The following NRXN3 variants were observed in gnomAD, a reference collection of about 807,000 sequenced individuals.
The protein encoded by NRXN3 is neurexin III.
In NRXN3, 32 loss-of-function variants were observed where a neutral mutation model predicts 137.6. The observed-to-expected ratio is 0.23, with a 90% CI of 0.18 to 0.31. NRXN3 has a LOEUF of 0.31. NRXN3 is among the 10% of genes least tolerant of loss of function. The pLI is 1.00. For missense variants in NRXN3, 1,574 were observed against 2,062.5 expected (o/e 0.76, Z 4.59); for synonymous variants, 798 against 784.5 (o/e 1.02, Z -0.29).
intron 15 of NRXN3, among the ~76,000 whole-genome samples, chr14:79,162,121 G>C (rs754114600): frequency 1.4e-5 from 2 of 141,112 alleles, no homozygotes; most frequent in African/African-American, 2.7e-5. Flanking sequence ...TTTTTTTTTT[G>C]TGGTTAGCTT....
Position 78,720,767 on chromosome 14 carries a change from G to T in NRXN3, c.2044+5628G>T, listed in dbSNP as rs1264708026. Among the ~76,000 whole-genome samples, 10 of 152,254 alleles carry T rather than the reference G, an allele frequency of 6.6e-5. No homozygotes were observed. The East Asian group carries it at 1.9e-3, about 29-fold the overall frequency. On this transcript the variant is annotated intron_variant, in intron 8 of 20. Coordinates refer to ENST00000335750, the MANE Select transcript of NRXN3 (RefSeq NM_001330195.2). Reference sequence around the variant, plus strand: ...TTTGTGTCTTCTTTAGAATATTAAAGTTAAATTATTAAAATTTCTATATTC... The same window carrying T: ...TTTGTGTCTTCTTTAGAATATTAAATTTAAATTATTAAAATTTCTATATTC...
chr14:78,729,910 A>T (rs1452903710), intron 8 of NRXN3, among the ~76,000 whole-genome samples: 2 of 152,218 alleles, frequency 1.3e-5, no homozygotes, highest in Non-Finnish European at 2.9e-5. Context: ...GAATGGGATT[A>T]TTTCTAAAGT....
chr14:79,374,178 C>CG (rs2094193156), intron 15 of NRXN3, among the ~76,000 whole-genome samples: 1 of 152,058 alleles, frequency 6.6e-6, no homozygotes, highest in South Asian at 2.1e-4. Flanking sequence ...CTATATGGCA[C>CG]TCAAAACATT....
chr14:79,545,122 C>A (rs2097307228), intron 16 of NRXN3, among the ~76,000 whole-genome samples: 1 of 152,052 alleles, frequency 6.6e-6, no homozygotes, highest in African/African-American at 2.4e-5. Flanking sequence ...GTTTTCAAGC[C>A]CCATTGATTT....
intron 10 of NRXN3, among the ~76,000 whole-genome samples, chr14:78,822,227 A>C (rs769712866): frequency 2.6e-5 from 4 of 152,200 alleles, no homozygotes; most frequent in Non-Finnish European, 5.9e-5. Flanking sequence ...AAGTGCATGC[A>C]CTTGACAGGT....
intron 4 of NRXN3, among the ~76,000 whole-genome samples, chr14:78,415,872 C>T (rs1485711387): frequency 6.6e-6 from 1 of 152,064 alleles, no homozygotes; most frequent in Middle Eastern, 3.2e-3. Flanking sequence ...ACAGCTCTCA[C>T]CAAGAACCCA....
chr14:79,193,140 C>CA (rs35463097), intron 15 of NRXN3, among the ~76,000 whole-genome samples: 3 of 149,840 alleles, frequency 2.0e-5, no homozygotes, highest in African/African-American at 7.4e-5. Flanking sequence ...GTTTTAAAGA[C>CA]AAAAAAAAAA....
intron 1 of NRXN3, among the ~76,000 whole-genome samples, chr14:78,193,340 C>A (rs574850467): frequency 3.3e-5 from 5 of 152,024 alleles, no homozygotes; most frequent in Non-Finnish European, 5.9e-5. Flanking sequence ...CATCCAGATG[C>A]GATTTTGCTT....
At chr14:78,967,766 A>G (rs1011619924) in intron 13 of NRXN3, among the ~76,000 whole-genome samples, 1 of 152,174 alleles carries the variant, frequency 6.6e-6, no homozygotes, top group Non-Finnish European at 1.5e-5. Flanking sequence ...TGTTCAGCTT[A>G]CATTTACTTT....
intron 3 of NRXN3, among the ~76,000 whole-genome samples, chr14:78,289,743 G>C (rs982604585): frequency 6.6e-5 from 10 of 151,888 alleles, no homozygotes; most frequent in Admixed American, 5.9e-4. Context: ...GTTAAACCCC[G>C]TCTCTACTAA....
At position 78,614,551 on chromosome 14, in the gene NRXN3, A is replaced by T. The variant is rs1049418403; in HGVS notation, c.758-30569A>T. Reference sequence around the variant, plus strand: ...AAAGCATGCAACACATTGTAGAATTAAAAAAAAAAAAAGACAAACATTTGA... The same window carrying T: ...AAAGCATGCAACACATTGTAGAATTTAAAAAAAAAAAAGACAAACATTTGA... On this transcript the variant is annotated intron_variant, in intron 4 of 20. Coordinates refer to ENST00000335750, the MANE Select transcript of NRXN3 (RefSeq NM_001330195.2). Among the ~76,000 whole-genome samples, 6 of 144,148 alleles carry T rather than the reference A, an allele frequency of 4.2e-5. No homozygotes were observed. In the East Asian group the frequency reaches 6.0e-4, roughly 14 times the overall value. 94.6% of individuals were successfully genotyped at this position (144,148 alleles called of 152,430 possible). A position where few individuals can be genotyped will look rare whatever the true frequency, so the allele number is the denominator to read the frequency against.
At chr14:79,697,554 T>C (rs2098740059) in intron 18 of NRXN3, 76 bp from the exon 19 acceptor site, 1 of 1,490,346 alleles carries the variant, frequency 6.7e-7, no homozygotes, top group Non-Finnish European at 9.1e-7. Flanking sequence ...TTATGATGCC[T>C]GGTCCATTCA....
At chr14:79,659,901 G>A (rs1447894351) in intron 16 of NRXN3, among the ~76,000 whole-genome samples, 1 of 152,034 alleles carries the variant, frequency 6.6e-6, no homozygotes, top group Non-Finnish European at 1.5e-5. Flanking sequence ...AATGATGGGT[G>A]GTTCCTTCTC....
chr14:78,627,103 CTTCTCT>C (rs2097468682), intron 4 of NRXN3, among the ~76,000 whole-genome samples: 1 of 102,062 alleles, frequency 9.8e-6, no homozygotes, highest in South Asian at 3.3e-4. Context: ...CCCTCCCTCC[CTTCTCT>C]CTCTCTCTCT....
chr14:78,840,226 G>C (rs1470229563), intron 10 of NRXN3, among the ~76,000 whole-genome samples: 1 of 152,106 alleles, frequency 6.6e-6, no homozygotes, highest in Non-Finnish European at 1.5e-5. Flanking sequence ...TGTCAAAGAG[G>C]CATTTATTAA....
intron 8 of NRXN3, among the ~76,000 whole-genome samples, chr14:78,729,876 G>GA (rs955925989): frequency 6.6e-6 from 1 of 152,186 alleles, no homozygotes; most frequent in Admixed American, 6.5e-5. Context: ...AGGAACAAAT[G>GA]AAAGAATGAA....
intron 4 of NRXN3, among the ~76,000 whole-genome samples, chr14:78,324,976 G>A (rs1207582668): frequency 1.3e-5 from 2 of 151,908 alleles, no homozygotes; most frequent in East Asian, 3.9e-4. Context: ...TAAATTGGGA[G>A]GTGTCATGGC....
intron 1 of NRXN3, among the ~76,000 whole-genome samples, chr14:78,228,255 C>G (rs1168296641): frequency 6.7e-6 from 1 of 150,302 alleles, no homozygotes; most frequent in East Asian, 2.0e-4. Flanking sequence ...CTCCCAGGTT[C>G]AAGCGATTCT....
chr14:79,055,807 G>A (rs892776791), intron 15 of NRXN3, among the ~76,000 whole-genome samples: 7 of 152,052 alleles, frequency 4.6e-5, no homozygotes, highest in Non-Finnish European at 7.4e-5. Context: ...TGAACAACAT[G>A]CACATGCACT....
Sources: gnomAD v4.1 joint callset for allele counts (sites outside exome capture counted in the v4.1 genomes callset) on GRCh38, gnomAD v4.1.1 for gene constraint, MANE v1.5 for transcripts, NCBI Gene and HGNC (gene_info 2026-07-23, HGNC 2026-07-21) for gene names.